HPSE2: variants seen among roughly 807,000 people sequenced by gnomAD.
HPSE2 encodes the protein inactive heparanase-2.
In HPSE2, 38 loss-of-function variants were observed where a neutral mutation model predicts 60.5. That is an observed-to-expected ratio of 0.63 (90% CI 0.48 to 0.82). The LOEUF (loss-of-function observed/expected upper bound fraction) is 0.82, where lower values mean the gene tolerates loss of function less well. Among genes scored for constraint, HPSE2 ranks in the 40% least tolerant of loss-of-function variants. HPSE2 has a pLI of 0.00. For synonymous variants in HPSE2, 295 were observed against 293.2 expected, an observed-to-expected ratio of 1.01 and a Z score of -0.06; for missense variants, 713 against 740.4, an observed-to-expected ratio of 0.96 and a Z score of 0.43.
At chr10:99,187,079 C>G (rs926370360) in intron 2 of HPSE2, among the ~76,000 whole-genome samples, 21 of 152,030 alleles carry the variant, frequency 1.4e-4, no homozygotes. Flanking sequence ...CTACCCCACC[C>G]AGCCTCAAAA....
intron 3 of HPSE2, among the ~76,000 whole-genome samples, chr10:99,116,546 TACAGTTGAAAAGTC>T: frequency 6.6e-6 from 1 of 152,266 alleles, no homozygotes; most frequent in South Asian, 2.1e-4. Flanking sequence ...CTGACAATTA[TACAGTTGAAAAGTC>T]ACAGCTAAGA....
intron 3 of HPSE2, among the ~76,000 whole-genome samples, chr10:99,096,808 CATG>C (rs1843733533): frequency 6.6e-6 from 1 of 152,044 alleles, no homozygotes; most frequent in Non-Finnish European, 1.5e-5. Context: ...TTACAGCAAT[CATG>C]ATATGGGACT....
At chr10:99,300,275 C>A in the HPSE2 span, among the ~76,000 whole-genome samples, 10 of 152,182 alleles carry the variant, frequency 6.6e-5, no homozygotes, top group South Asian at 4.2e-4. Context: ...CCCATAATGG[C>A]CAAGAAGGTA....
At chr10:99,233,174 T>C (rs1257860246) in intron 1 of HPSE2, among the ~76,000 whole-genome samples, 1 of 151,456 alleles carries the variant, frequency 6.6e-6, no homozygotes, top group Non-Finnish European at 1.5e-5. Flanking sequence ...AACCCTCGCC[T>C]TTCCAAGAAC....
intron 2 of HPSE2, among the ~76,000 whole-genome samples, chr10:99,159,457 A>G (rs766017890): frequency 6.6e-6 from 1 of 152,200 alleles, no homozygotes; most frequent in Non-Finnish European, 1.5e-5. Flanking sequence ...GAATTCATAT[A>G]TGTAATAAAA....
At chr10:98,796,043 G>A (rs183115087) in intron 3 of HPSE2, among the ~76,000 whole-genome samples, 7 of 152,302 alleles carry the variant, frequency 4.6e-5, no homozygotes, top group Middle Eastern at 3.4e-3. Flanking sequence ...TATGCCATTG[G>A]CTTTGGGCTC....
chr10:98,644,813 T>C (rs934254578), intron 6 of HPSE2, among the ~76,000 whole-genome samples: 2 of 152,218 alleles, frequency 1.3e-5, no homozygotes, highest in Non-Finnish European at 1.5e-5. Flanking sequence ...TCCAGCAACC[T>C]TGGCTTAAGC....
chr10:98,605,867 C>A (rs945759111), intron 9 of HPSE2, among the ~76,000 whole-genome samples: 1 of 152,134 alleles, frequency 6.6e-6, no homozygotes, highest in South Asian at 2.1e-4. Flanking sequence ...GTCTTTCCCC[C>A]ACTGCAGCCT....
chr10:99,057,975 C>A (rs1285796641), intron 3 of HPSE2, among the ~76,000 whole-genome samples: 2 of 152,190 alleles, frequency 1.3e-5, no homozygotes, highest in South Asian at 2.1e-4. Flanking sequence ...ATATTGGGTT[C>A]TTCTATGGAT....
At chr10:98,847,329 G>A (rs540591636) in intron 3 of HPSE2, among the ~76,000 whole-genome samples, 6 of 152,266 alleles carry the variant, frequency 3.9e-5, no homozygotes, top group South Asian at 4.1e-4. Flanking sequence ...GGAATTTGCC[G>A]AGTGCTTCAT....
chr10:98,461,816 G>T (rs775972742), intron 11 of HPSE2: 1 of 1,594,862 alleles, frequency 6.3e-7, no homozygotes, highest in Admixed American at 1.7e-5. Flanking sequence ...GACATCTTTG[G>T]GTTCTGGGGA....
intron 9 of HPSE2, among the ~76,000 whole-genome samples, chr10:98,501,610 G>A (rs536675695): frequency 2.6e-5 from 4 of 152,242 alleles, no homozygotes; most frequent in Non-Finnish European, 4.4e-5. Context: ...ATGGGGAAAC[G>A]TTGAAAGCAT....
chr10:98,788,665 C>G (rs552014896), intron 3 of HPSE2, among the ~76,000 whole-genome samples: 1 of 152,158 alleles, frequency 6.6e-6, no homozygotes, highest in Non-Finnish European at 1.5e-5. Flanking sequence ...TTTCTTAAGC[C>G]GGTCTGAAAA....
chr10:98,782,908 GTTTATTTTTTTTTT>G (rs1349117330), intron 3 of HPSE2, among the ~76,000 whole-genome samples: 7 of 11,582 alleles, frequency 6.0e-4, no homozygotes, highest in Non-Finnish European at 1.2e-3. Flanking sequence ...TTCCCTGTTT[GTTTATTTTTTTTTT>G]TTTATTTTTT....
chr10:98,527,376 T>C (rs1943000597), intron 9 of HPSE2, among the ~76,000 whole-genome samples: 1 of 152,194 alleles, frequency 6.6e-6, no homozygotes, highest in African/African-American at 2.4e-5. Context: ...GATCTGCCCC[T>C]GCTCAGCTCT....
chr10:98,597,370 T>C (rs1226145234), intron 9 of HPSE2, among the ~76,000 whole-genome samples: 1 of 152,124 alleles, frequency 6.6e-6, no homozygotes, highest in Non-Finnish European at 1.5e-5. Context: ...ACTTCTACAA[T>C]TAAAAAATTT....
intron 3 of HPSE2, among the ~76,000 whole-genome samples, chr10:98,852,620 T>C (rs1177562025): frequency 1.3e-5 from 2 of 152,232 alleles, no homozygotes; most frequent in Non-Finnish European, 2.9e-5. Context: ...CTCAGTCTAT[T>C]AGTATTAGAT....
At chr10:99,309,475 T>G in the HPSE2 span, among the ~76,000 whole-genome samples, 2 of 152,306 alleles carry the variant, frequency 1.3e-5, no homozygotes, top group South Asian at 4.1e-4. Flanking sequence ...AAAACCATAA[T>G]GAGATACTAC....
chr10:98,658,915 T>G (rs1284988740), intron 6 of HPSE2, among the ~76,000 whole-genome samples: 3 of 150,074 alleles, frequency 2.0e-5, no homozygotes, highest in Non-Finnish European at 3.0e-5. Flanking sequence ...TGGCAGAGTT[T>G]TTTTTTTTTT....
Sources: allele counts gnomAD v4.1 joint callset (sites outside exome capture counted in the v4.1 genomes callset), GRCh38; gene constraint gnomAD v4.1.1; transcripts MANE v1.5; gene names NCBI Gene and HGNC (gene_info 2026-07-23, HGNC 2026-07-21).